LMNTD1: variants seen among roughly 807,000 people sequenced by gnomAD.
LMNTD1 encodes lamin tail domain-containing protein 1.
In LMNTD1, 35 loss-of-function variants were observed where a neutral mutation model predicts 50.9. The ratio of observed to expected loss-of-function variants is 0.69; its 90% CI spans 0.53 to 0.91. The LOEUF (loss-of-function observed/expected upper bound fraction) is 0.91. Ranked by LOEUF, LMNTD1 falls within the 40% of genes least tolerant of loss-of-function variation. The pLI is 0.00. For missense variants in LMNTD1, 470 were observed against 475.5 expected (o/e 0.99, Z 0.11); for synonymous variants, 153 against 161.9 (o/e 0.94, Z 0.42).
At chr12:25,618,216 C>A (rs1037482703) in intron 1 of LMNTD1, among the ~76,000 whole-genome samples, 1 of 152,152 alleles carries the variant, frequency 6.6e-6, no homozygotes, top group African/African-American at 2.4e-5. Flanking sequence ...TTGATCTCAG[C>A]CAAGCCTGCC....
At chr12:25,574,042 T>C (rs940148748) in intron 1 of LMNTD1, among the ~76,000 whole-genome samples, 4 of 152,196 alleles carry the variant, frequency 2.6e-5, no homozygotes, top group African/African-American at 9.7e-5. Context: ...TATCAGGACA[T>C]TTATAATTCA....
At chr12:25,587,610 C>G (rs1217627074) in intron 1 of LMNTD1, among the ~76,000 whole-genome samples, 2 of 152,240 alleles carry the variant, frequency 1.3e-5, no homozygotes, top group African/African-American at 4.8e-5. Flanking sequence ...GAAATCTGCC[C>G]CCCATGATCC....
chr12:25,602,295 C>T (rs1033385352), intron 1 of LMNTD1, among the ~76,000 whole-genome samples: 6 of 151,008 alleles, frequency 4.0e-5, no homozygotes, highest in African/African-American at 1.5e-4. Context: ...GGCATGCATC[C>T]AAAGAAAAAA....
At chr12:25,528,076 G>A (rs2136100859) in intron 4 of LMNTD1, among the ~76,000 whole-genome samples, 1 of 152,130 alleles carries the variant, frequency 6.6e-6, no homozygotes, top group Admixed American at 6.6e-5. Flanking sequence ...TTGGAAATAT[G>A]TAAGTCCCCA....
At chr12:25,586,021 A>C (rs2136446901) in intron 1 of LMNTD1, 1 of 152,300 alleles carries the variant, frequency 6.6e-6, no homozygotes, top group African/African-American at 2.4e-5. Flanking sequence ...CACTGTCTTG[A>C]GTAGAAGGAA....
intron 8 of LMNTD1, among the ~76,000 whole-genome samples, chr12:25,516,114 A>C (rs944853733): frequency 1.3e-5 from 2 of 150,806 alleles, no homozygotes; most frequent in African/African-American, 4.8e-5. Context: ...TGATTCAATC[A>C]ATCAGCAACC....
At chr12:25,640,691 C>T (rs189890000) in intron 1 of LMNTD1, among the ~76,000 whole-genome samples, 16 of 151,150 alleles carry the variant, frequency 1.1e-4, no homozygotes, top group African/African-American at 3.1e-4. Flanking sequence ...GACGGAGTCT[C>T]GCTCTGTCGC....
intron 1 of LMNTD1, among the ~76,000 whole-genome samples, chr12:25,578,214 A>G (rs944576698): frequency 6.6e-6 from 1 of 152,206 alleles, no homozygotes; most frequent in Non-Finnish European, 1.5e-5. Flanking sequence ...ATAAACTGAA[A>G]TCCCTAAAAT....
chr12:25,498,850 C>T (rs1245007743), intron 9 of LMNTD1, among the ~76,000 whole-genome samples: 1 of 152,124 alleles, frequency 6.6e-6, no homozygotes, highest in Non-Finnish European at 1.5e-5. Flanking sequence ...ACATGCTAGG[C>T]ATCTTCATTT....
At chr12:25,495,736 T>C (rs1257441989) in intron 9 of LMNTD1, among the ~76,000 whole-genome samples, 1 of 152,180 alleles carries the variant, frequency 6.6e-6, no homozygotes. Context: ...CCCTCACCTA[T>C]GCCTTACTAG....
chr12:25,621,503 ACAAT>A (rs1472814191), intron 1 of LMNTD1, among the ~76,000 whole-genome samples: 1 of 152,256 alleles, frequency 6.6e-6, no homozygotes, highest in Non-Finnish European at 1.5e-5. Flanking sequence ...AATAATTACC[ACAAT>A]CAAATTAATA....
chr12:25,511,624 C>G (rs1940302114), intron 8 of LMNTD1, among the ~76,000 whole-genome samples: 1 of 152,180 alleles, frequency 6.6e-6, no homozygotes. Flanking sequence ...CTTTTAAACA[C>G]AGATCTAACT....
At chr12:25,571,509 A>G (rs1944794793) in intron 1 of LMNTD1, among the ~76,000 whole-genome samples, 1 of 151,620 alleles carries the variant, frequency 6.6e-6, no homozygotes, top group Admixed American at 6.6e-5. Context: ...GACTACAGGC[A>G]CCCACTACCA....
chr12:25,499,653 A>C (rs1397932191), intron 9 of LMNTD1, among the ~76,000 whole-genome samples: 1 of 152,078 alleles, frequency 6.6e-6, no homozygotes, highest in African/African-American at 2.4e-5. Flanking sequence ...GTACTTGAGT[A>C]GTGCCTAATT....
chr12:25,540,981 T>C lies in LMNTD1; in HGVS notation c.491+5393A>G, dbSNP rs1229938373. ...TGAGTGAACTCCCATTCACAATTGC[T>C]TCAAAGAGAATAAAATACCTAGGAA... On this transcript the variant is annotated intron_variant, in intron 4 of 9. Coordinates refer to ENST00000458174, the MANE Select transcript of LMNTD1 (RefSeq NM_001145728.2). Among the ~76,000 whole-genome samples, 3 of 136,712 alleles carry C rather than the reference T, an allele frequency of 2.2e-5. No homozygotes were observed. In the East Asian group the frequency reaches 6.3e-4, roughly 29 times the overall value. The allele number at this position is 136,712 out of a possible 152,430, so 89.7% of individuals were successfully genotyped here. A position where few individuals can be genotyped will look rare whatever the true frequency, so the allele number is the denominator to read the frequency against.
intron 1 of LMNTD1, among the ~76,000 whole-genome samples, chr12:25,602,156 T>G (rs543845223): frequency 2.1e-4 from 32 of 151,996 alleles, no homozygotes; most frequent in African/African-American, 7.7e-4. Context: ...GGGCCATAAT[T>G]TAGTATCTTT....
intron 1 of LMNTD1, among the ~76,000 whole-genome samples, chr12:25,637,001 G>C (rs1009244837): frequency 6.7e-6 from 1 of 149,480 alleles, no homozygotes; most frequent in Admixed American, 6.7e-5. Flanking sequence ...AGAATGGGAG[G>C]GGGGTGAGGG....
intron 1 of LMNTD1, among the ~76,000 whole-genome samples, chr12:25,647,319 C>T (rs181565999): frequency 5.3e-5 from 8 of 151,990 alleles, no homozygotes. Flanking sequence ...CCTATCTCTA[C>T]CAAAAATACA....
chr12:25,578,330 G>A (rs1193196863), intron 1 of LMNTD1, among the ~76,000 whole-genome samples: 2 of 152,204 alleles, frequency 1.3e-5, no homozygotes, highest in Non-Finnish European at 2.9e-5. Context: ...TGGGTAAGTA[G>A]AGCTAGTTTA....
Sources: gnomAD v4.1 joint callset for allele counts (sites outside exome capture counted in the v4.1 genomes callset) on GRCh38, gnomAD v4.1.1 for gene constraint, MANE v1.5 for transcripts, NCBI Gene and HGNC (gene_info 2026-07-23, HGNC 2026-07-21) for gene names.